The following ATXN2 variants were observed in gnomAD, a reference collection of about 807,000 sequenced individuals.
ATXN2 encodes ataxin-2.
A neutral mutation model predicts 138.6 loss-of-function variants in ATXN2; 37 were observed. The ratio of observed to expected loss-of-function variants is 0.27; its 90% CI spans 0.21 to 0.35. The LOEUF (loss-of-function observed/expected upper bound fraction) is 0.35, where lower values mean the gene tolerates loss of function less well. ATXN2 is among the 10% of genes least tolerant of loss of function. ATXN2 has a pLI of 1.00. For missense variants in ATXN2, 1,216 were observed against 1,480.3 expected (o/e 0.82, Z 2.93); for synonymous variants, 549 against 543.7 (o/e 1.01, Z -0.13).
At chr12:111,517,176 A>G (rs1040603485) in intron 9 of ATXN2, among the ~76,000 whole-genome samples, 1 of 152,130 alleles carries the variant, frequency 6.6e-6, no homozygotes, top group Non-Finnish European at 1.5e-5. Context: ...TTAACATTAC[A>G]TATCACTTAC....
intron 1 of ATXN2, among the ~76,000 whole-genome samples, chr12:111,567,009 TGTG>T (rs1004633133): frequency 6.6e-6 from 1 of 152,078 alleles, no homozygotes; most frequent in Non-Finnish European, 1.5e-5. Context: ...TAACTGCAGA[TGTG>T]GTAAAAAAGC....
intron 16 of ATXN2, 129 bp downstream of exon 16, chr12:111,486,631 TA>T (rs34616460): frequency 9.6e-5 from 66 of 690,872 alleles, no homozygotes; most frequent in South Asian, 1.3e-4. Context: ...AATGGCCATG[TA>T]AAAAAAAGAA....
At chr12:111,571,313 A>G (rs1295372023) in intron 1 of ATXN2, among the ~76,000 whole-genome samples, 2 of 152,246 alleles carry the variant, frequency 1.3e-5, no homozygotes, top group Non-Finnish European at 2.9e-5. Flanking sequence ...AACTTTAGGC[A>G]TTCTCCACAA....
Position 111,593,076 on chromosome 12 carries a change from CTTTT to C in ATXN2, c.251+5704_251+5707del, listed in dbSNP as rs1012509388. On this transcript the variant is annotated intron_variant, in intron 1 of 24. Transcript: ENST00000673436. ...TTTAGGACAAAAAAATGAGATCCTC[CTTTT>C]TTTGTTTGTTTGTTTGTTTTGAGAC... Among the ~76,000 whole-genome samples the C allele has an allele frequency of 1.8e-4, 27 of 151,810 alleles. No homozygotes were observed. In the Admixed American group the frequency reaches 1.8e-3, roughly 10 times the overall value.
chr12:111,481,537 C>G (rs1877240028), intron 18 of ATXN2, among the ~76,000 whole-genome samples: 1 of 152,118 alleles, frequency 6.6e-6, no homozygotes, highest in Non-Finnish European at 1.5e-5. Flanking sequence ...TGTGGAGAAA[C>G]TGGAACACTT....
chr12:111,473,475 T>C (rs1300634366), intron 18 of ATXN2, among the ~76,000 whole-genome samples: 1 of 152,064 alleles, frequency 6.6e-6, no homozygotes. Flanking sequence ...ACCAAACAGC[T>C]GGATATGGGA....
At chr12:111,504,143 A>T (rs540638575) in intron 14 of ATXN2, among the ~76,000 whole-genome samples, 2 of 152,332 alleles carry the variant, frequency 1.3e-5, no homozygotes, top group East Asian at 3.9e-4. Context: ...AGCCTTTTAA[A>T]ATACAGTAAC....
At chr12:111,565,113 A>G (rs961938129) in intron 1 of ATXN2, among the ~76,000 whole-genome samples, 10 of 151,756 alleles carry the variant, frequency 6.6e-5, no homozygotes, top group Non-Finnish European at 1.5e-4. Flanking sequence ...ATGTCCCCAT[A>G]TTCTCCTTTA....
intron 8 of ATXN2, among the ~76,000 whole-genome samples, chr12:111,519,013 A>T (rs1880009352): frequency 6.6e-6 from 1 of 152,196 alleles, no homozygotes; most frequent in African/African-American, 2.4e-5. Context: ...ATATGCAATT[A>T]GCTGCACAAA....
chr12:111,532,987 CAG>C (rs1196931576), intron 5 of ATXN2, among the ~76,000 whole-genome samples: 1 of 152,028 alleles, frequency 6.6e-6, no homozygotes, highest in Non-Finnish European at 1.5e-5. Flanking sequence ...TAGGAGTAGA[CAG>C]AGTTTAAGAT....
At chr12:111,558,438 T>C (rs770222518) in intron 1 of ATXN2, among the ~76,000 whole-genome samples, 3 of 152,196 alleles carry the variant, frequency 2.0e-5, no homozygotes, top group Non-Finnish European at 4.4e-5. Context: ...TCCAGGACTC[T>C]ATGCTTTTAA....
intron 20 of ATXN2, among the ~76,000 whole-genome samples, chr12:111,464,938 T>G (rs1035278233): frequency 5.3e-5 from 8 of 152,236 alleles, no homozygotes; most frequent in Non-Finnish European, 1.2e-4. Flanking sequence ...CATGCTGACT[T>G]GCTTAAAAGT....
chr12:111,478,479 A>C (rs1025761980), intron 18 of ATXN2, among the ~76,000 whole-genome samples: 2 of 152,328 alleles, frequency 1.3e-5, no homozygotes, highest in African/African-American at 4.8e-5. Flanking sequence ...GCTGAAAACA[A>C]ACACACACAT....
At position 111,598,973 on chromosome 12, in the gene ATXN2, TGCTGTTGCTGCTGCTGCTGCTGC is replaced by T; in HGVS notation, c.39_61del (p.Gln14AlafsTer68). On this transcript the variant is annotated frameshift_variant, in exon 1 of 25. Transcript: ENST00000673436. LOFTEE classifies it high-confidence loss of function. This position sits in a 1 kb window ranked among gnomAD's most constrained non-coding sequence, Gnocchi z 4.5. ...CGGCTGCTGCTGCTGCTGCTGCTGC[TGCTGTTGCTGCTGCTGCTGCTGC>T]TGCTGCTGCTGCTGCTGCTGCTGGG... The T allele has an allele frequency of 6.7e-7, 1 of 1,495,542 alleles. No homozygotes were observed. The allele number at this position is 1,495,542 out of a possible 1,614,324, so 92.6% of individuals were successfully genotyped here.
intron 1 of ATXN2, among the ~76,000 whole-genome samples, chr12:111,569,081 G>A (rs991522083): frequency 2.6e-5 from 4 of 151,980 alleles, no homozygotes; most frequent in East Asian, 1.9e-4. Context: ...AGATTAATCC[G>A]GTCATATAAT....
chr12:111,505,060 C>CA (rs962136301), intron 14 of ATXN2, among the ~76,000 whole-genome samples: 15 of 152,024 alleles, frequency 9.9e-5, no homozygotes, highest in African/African-American at 3.6e-4. Context: ...TCTGTCTCTA[C>CA]AAAAAAATAC....
chr12:111,595,299 T>C (rs1479183723), intron 1 of ATXN2, among the ~76,000 whole-genome samples: 3 of 152,102 alleles, frequency 2.0e-5, no homozygotes, highest in African/African-American at 4.8e-5. Context: ...TGCACCACTA[T>C]CTATAACAAA....
At chr12:111,510,318 T>C (rs1249701843) in intron 12 of ATXN2, 67 bp downstream of exon 12, 71 of 1,494,472 alleles carry the variant, frequency 4.8e-5, no homozygotes, top group Non-Finnish European at 6.2e-5. Flanking sequence ...TTTTTTCATA[T>C]AATATCACCC....
chr12:111,565,679 CCT>C (rs1245713839), intron 1 of ATXN2, among the ~76,000 whole-genome samples: 1 of 152,018 alleles, frequency 6.6e-6, no homozygotes, highest in African/African-American at 2.4e-5. Flanking sequence ...CTCTCTATTC[CCT>C]GAGATATAAC....
Sources: allele counts gnomAD v4.1 joint callset (sites outside exome capture counted in the v4.1 genomes callset), GRCh38; gene constraint gnomAD v4.1.1; non-coding constraint Gnocchi (gnomAD v3.1); transcripts MANE v1.5; gene names NCBI Gene and HGNC (gene_info 2026-07-23, HGNC 2026-07-21).